The following CLASP1 variants were observed in gnomAD, a reference collection of about 807,000 sequenced individuals.
CLASP1 encodes the protein cytoplasmic linker associated protein 1.
CLASP1 carries 38 observed loss-of-function variants against 192.3 expected under a neutral mutation model. That is an observed-to-expected ratio of 0.20 (90% CI 0.15 to 0.26). CLASP1 has a LOEUF of 0.26. Ranked by LOEUF, CLASP1 falls within the 10% of genes least tolerant of loss-of-function variation. The probability of loss-of-function intolerance (pLI) is 1.00; values close to 1 mark genes in which losing one functional copy is unlikely to be tolerated. For synonymous variants in CLASP1, 691 were observed against 712.8 expected, an observed-to-expected ratio of 0.97 and a Z score of 0.49; for missense variants, 1,433 against 1,932.5, an observed-to-expected ratio of 0.74 and a Z score of 4.85.
chr2:121,481,737 G>T (rs2092611873), intron 8 of CLASP1, among the ~76,000 whole-genome samples: 1 of 152,144 alleles, frequency 6.6e-6, no homozygotes, highest in Admixed American at 6.5e-5. Flanking sequence ...TCTACCACTG[G>T]AAGGCTACTG....
chr2:121,447,522 G>A lies in CLASP1; in HGVS notation c.1742-15C>T, dbSNP rs1256312203. On this transcript the variant is annotated splice_polypyrimidine_tract_variant and intron_variant, in intron 18 of 39. Coordinates refer to ENST00000263710, the Ensembl canonical transcript of CLASP1. ...AACTGTAGAAGCTTTAGTGATAAAG[G>A]AGGAAATATGAATAAGGACTACATA... 3.2e-6 allele frequency: 5 copies of A among 1,543,756 alleles called. No individual in the cohort carries two copies. Among genetic ancestry groups the A allele is most frequent in the African/African-American group, 1.4e-5 (1 of 72,912 alleles).
chr2:121,637,826 C>A (rs1235101957), intron 1 of CLASP1, among the ~76,000 whole-genome samples: 2 of 151,516 alleles, frequency 1.3e-5, no homozygotes, highest in African/African-American at 2.4e-5. Flanking sequence ...GCAGAGGTTG[C>A]AGTGAGCTGA....
intron 1 of CLASP1, among the ~76,000 whole-genome samples, chr2:121,612,098 AAG>A (rs768052418): frequency 5.3e-5 from 8 of 150,264 alleles, no homozygotes; most frequent in Non-Finnish European, 1.0e-4. Flanking sequence ...TTACAGGAGA[AAG>A]AGGAACTGGA....
At chr2:121,638,494 T>A (rs1285165887) in intron 1 of CLASP1, among the ~76,000 whole-genome samples, 4 of 151,796 alleles carry the variant, frequency 2.6e-5, no homozygotes, top group Admixed American at 2.0e-4. Context: ...CCAAAAGAAA[T>A]GAAAACAGAG....
chr2:121,546,041 A>G (rs769866266), intron 2 of CLASP1, among the ~76,000 whole-genome samples: 5 of 152,208 alleles, frequency 3.3e-5, no homozygotes, highest in Non-Finnish European at 7.3e-5. Context: ...GGAAACAGAA[A>G]TGATCTTTCA....
At chr2:121,408,785 T>C (rs2077274304) in intron 24 of CLASP1, among the ~76,000 whole-genome samples, 1 of 152,130 alleles carries the variant, frequency 6.6e-6, no homozygotes, top group Non-Finnish European at 1.5e-5. Flanking sequence ...GAAACACTAC[T>C]AGGCGAAGGA....
At chr2:121,505,970 A>G (rs1279113878) in intron 7 of CLASP1, among the ~76,000 whole-genome samples, 1 of 152,184 alleles carries the variant, frequency 6.6e-6, no homozygotes, top group African/African-American at 2.4e-5. Flanking sequence ...AGAGAAATCA[A>G]CATAAACACA....
intron 37 of CLASP1, among the ~76,000 whole-genome samples, chr2:121,354,182 G>A (rs2065003519): frequency 6.6e-6 from 1 of 152,190 alleles, no homozygotes; most frequent in South Asian, 2.1e-4. Context: ...CAGAAAACTA[G>A]GAGCATGGCA....
intron 2 of CLASP1, among the ~76,000 whole-genome samples, chr2:121,596,302 T>A (rs531908295): frequency 1.3e-5 from 2 of 152,040 alleles, no homozygotes; most frequent in African/African-American, 4.8e-5. Context: ...CTACAGCCAA[T>A]AGGACAAACA....
intron 5 of CLASP1, 89 bp downstream of exon 5, chr2:121,527,710 G>C (rs955657939): frequency 2.9e-6 from 3 of 1,038,160 alleles, no homozygotes; most frequent in Admixed American, 2.1e-5. Flanking sequence ...ACACTTCTTT[G>C]CAACTTCCTG....
chr2:121,647,516 G>A (rs2073391190), intron 1 of CLASP1, among the ~76,000 whole-genome samples: 2 of 152,030 alleles, frequency 1.3e-5, no homozygotes, highest in African/African-American at 4.8e-5. Context: ...TCTATAAAAA[G>A]CAAGTTCCCA....
Position 121,512,176 on chromosome 2 carries a change from T to TTTC in CLASP1, c.644+3488_644+3489insGAA, listed in dbSNP as rs541568529. ...CATCTTCAGGTTTAAAGCCACTGCT[T>TTTC]TTTAGAAGCTTGGTTCCCAAATGAT... On this transcript the variant is annotated intron_variant, in intron 7 of 39. Transcript: ENST00000263710. Among the ~76,000 whole-genome samples, 37 of 152,350 alleles carry TTTC rather than the reference T, an allele frequency of 2.4e-4. No individual in the cohort carries two copies. In the South Asian group the frequency reaches 7.7e-3, roughly 32 times the overall value.
chr2:121,377,448 T>C, intron 34 of CLASP1, 51 bp downstream of exon 35: 2 of 1,344,364 alleles, frequency 1.5e-6, no homozygotes, highest in South Asian at 2.6e-5. Flanking sequence ...GAAGTCTCAT[T>C]ATCTGTCATT....
chr2:121,486,839 C>A (rs1224390928), intron 8 of CLASP1, among the ~76,000 whole-genome samples: 2 of 152,168 alleles, frequency 1.3e-5, no homozygotes, highest in Non-Finnish European at 2.9e-5. Flanking sequence ...AAATACCATA[C>A]CGCTACATAC....
At chr2:121,407,748 A>C in intron 24 of CLASP1, 33 bp from the exon 26 acceptor site, 1 of 1,613,316 alleles carries the variant, frequency 6.2e-7, no homozygotes, top group Non-Finnish European at 8.5e-7. Context: ...GGAGTGATTG[A>C]GGAAGAAATA....
chr2:121,627,645 T>C (rs2068638816), intron 1 of CLASP1, among the ~76,000 whole-genome samples: 2 of 152,210 alleles, frequency 1.3e-5, no homozygotes. Context: ...CCAAGCATGT[T>C]TACCTTGCTT....
intron 2 of CLASP1, among the ~76,000 whole-genome samples, chr2:121,543,591 T>G (rs554682461): frequency 2.5e-4 from 38 of 152,276 alleles, no homozygotes; most frequent in African/African-American, 8.9e-4. Flanking sequence ...CTCACAGCTC[T>G]TCCTCCTGCC....
At chr2:121,582,046 C>T (rs1428902454) in intron 2 of CLASP1, among the ~76,000 whole-genome samples, 2 of 151,884 alleles carry the variant, frequency 1.3e-5, no homozygotes, top group African/African-American at 4.8e-5. Context: ...GTCTGTAATC[C>T]CAGCTACGTG....
Position 121,476,515 on chromosome 2 carries a change from A to G in CLASP1, c.713-6555T>C, listed in dbSNP as rs539105255. Among the ~76,000 whole-genome samples, 18 of 152,330 alleles carry G rather than the reference A, an allele frequency of 1.2e-4. 1 individual carries two copies. In the South Asian group the frequency reaches 3.3e-3, roughly 28 times the overall value. ...CCATACTGTTCGCTCGGAAAATTTA[A>G]ACACTCATCTATAACGACCAACAAA... On this transcript the variant is annotated intron_variant, in intron 8 of 39. Coordinates refer to ENST00000263710, the Ensembl canonical transcript of CLASP1.
Sources: gnomAD v4.1 joint callset for allele counts (sites outside exome capture counted in the v4.1 genomes callset) on GRCh38, gnomAD v4.1.1 for gene constraint, MANE v1.5 for transcripts, NCBI Gene and HGNC (gene_info 2026-07-23, HGNC 2026-07-21) for gene names.